OPCML: variants seen among roughly 807,000 people sequenced by gnomAD.
OPCML encodes the protein opioid-binding protein/cell adhesion molecule.
Under a neutral mutation model 37.8 loss-of-function variants are expected in OPCML, and 13 were observed. The observed-to-expected ratio is 0.34, with a 90% CI of 0.22 to 0.55. The LOEUF is 0.55. OPCML is among the 20% of genes least tolerant of loss of function. OPCML has a pLI of 0.91. For missense variants in OPCML, 341 were observed against 435.6 expected (o/e 0.78, Z 1.93); for synonymous variants, 176 against 168.8 (o/e 1.04, Z -0.33).
chr11:133,302,028 T>G (rs1421898529), intron 1 of OPCML: 1 of 152,162 alleles, frequency 6.6e-6, no homozygotes, highest in African/African-American at 2.4e-5. Context: ...TGTTAATCAA[T>G]CCAAGGTCAA....
At chr11:132,600,509 T>A in intron 3 of OPCML, among the ~76,000 whole-genome samples, 1 of 152,206 alleles carries the variant, frequency 6.6e-6, no homozygotes, top group East Asian at 1.9e-4. Context: ...AGTTTTTTAT[T>A]GCAACAAATT....
At chr11:133,118,872 T>A (rs1312708309) in intron 1 of OPCML, among the ~76,000 whole-genome samples, 1 of 152,132 alleles carries the variant, frequency 6.6e-6, no homozygotes, top group Non-Finnish European at 1.5e-5. Flanking sequence ...ATGGACGTGA[T>A]CCAGTGGAGA....
At chr11:132,786,740 T>A (rs550321642) in intron 2 of OPCML, among the ~76,000 whole-genome samples, 90 of 152,318 alleles carry the variant, frequency 5.9e-4, no homozygotes, top group African/African-American at 2.0e-3. Flanking sequence ...TAGTAGGCAT[T>A]CAAACGATAT....
intron 1 of OPCML, among the ~76,000 whole-genome samples, chr11:133,020,915 T>A (rs1041898381): frequency 2.6e-5 from 4 of 152,180 alleles, no homozygotes; most frequent in African/African-American, 9.7e-5. Context: ...GATTTTAATT[T>A]TTTTCTCCTT....
chr11:133,422,442 G>A, intron 1 of OPCML: 1 of 974,960 alleles, frequency 1.0e-6, no homozygotes, highest in Non-Finnish European at 1.2e-6. Flanking sequence ...CTATCATTGT[G>A]GAGAGGAGTC....
At chr11:133,520,963 C>T (rs935823332) in intron 1 of OPCML, among the ~76,000 whole-genome samples, 2 of 152,146 alleles carry the variant, frequency 1.3e-5, no homozygotes, top group Non-Finnish European at 2.9e-5. Flanking sequence ...CCTGGATAGG[C>T]CTCCTGCTCC....
intron 1 of OPCML, among the ~76,000 whole-genome samples, chr11:133,094,664 C>T (rs180958993): frequency 6.6e-6 from 1 of 152,246 alleles, no homozygotes; most frequent in Admixed American, 6.5e-5. Flanking sequence ...AACTATGAGT[C>T]TTTGTTTATT....
At chr11:133,152,999 G>A (rs1443989830) in intron 1 of OPCML, among the ~76,000 whole-genome samples, 1 of 152,062 alleles carries the variant, frequency 6.6e-6, no homozygotes, top group African/African-American at 2.4e-5. Flanking sequence ...TCCACAGCGG[G>A]CTGTGTGTTC....
intron 2 of OPCML, among the ~76,000 whole-genome samples, chr11:132,743,715 C>G (rs1306791383): frequency 6.6e-6 from 1 of 152,178 alleles, no homozygotes; most frequent in Non-Finnish European, 1.5e-5. Flanking sequence ...CACCACATTC[C>G]TCAGAACAGG....
chr11:132,912,392 T>C (rs1944455142), intron 2 of OPCML, among the ~76,000 whole-genome samples: 1 of 152,190 alleles, frequency 6.6e-6, no homozygotes, highest in African/African-American at 2.4e-5. Flanking sequence ...CAGGATACAA[T>C]AAACCCCTTT....
intron 1 of OPCML, among the ~76,000 whole-genome samples, chr11:133,182,175 A>C (rs992110734): frequency 1.3e-5 from 2 of 152,220 alleles, no homozygotes; most frequent in African/African-American, 4.8e-5. Flanking sequence ...CTCACCAAAG[A>C]AAATCCATGT....
intron 3 of OPCML, among the ~76,000 whole-genome samples, chr11:132,560,397 G>C (rs981293057): frequency 6.6e-6 from 1 of 152,148 alleles, no homozygotes; most frequent in Non-Finnish European, 1.5e-5. Flanking sequence ...AACAGGTGAT[G>C]TTTGGTTATA....
chr11:132,481,111 A>C (rs919768176), intron 4 of OPCML, among the ~76,000 whole-genome samples: 3 of 152,224 alleles, frequency 2.0e-5, no homozygotes, highest in Non-Finnish European at 4.4e-5. Context: ...TGCTCCAATT[A>C]AAAGACACAA....
At chr11:132,766,513 A>G (rs61908974) in intron 2 of OPCML, among the ~76,000 whole-genome samples, 632 of 152,024 alleles carry the variant, frequency 4.2e-3, no homozygotes, top group Middle Eastern at 0.014. Flanking sequence ...TATCAGACAA[A>G]CTCTTCTCCT....
At chr11:133,416,714 A>C (rs1202979828) in intron 1 of OPCML, among the ~76,000 whole-genome samples, 1 of 151,996 alleles carries the variant, frequency 6.6e-6, no homozygotes, top group African/African-American at 2.4e-5. Flanking sequence ...AATATCTTTG[A>C]TTTTTTTCCT....
At chr11:132,786,868 G>T (rs144362972) in intron 2 of OPCML, among the ~76,000 whole-genome samples, 1 of 152,264 alleles carries the variant, frequency 6.6e-6, no homozygotes, top group East Asian at 1.9e-4. Flanking sequence ...AAATCCTGTG[G>T]TCCTCAGGGT....
intron 2 of OPCML, among the ~76,000 whole-genome samples, chr11:132,787,621 G>T (rs926747038): frequency 2.0e-5 from 3 of 152,096 alleles, no homozygotes; most frequent in Admixed American, 6.5e-5. Flanking sequence ...TAGTCCCCGT[G>T]ATAGTTTATT....
At chr11:133,079,086 A>G (rs1948669468) in intron 1 of OPCML, among the ~76,000 whole-genome samples, 1 of 151,892 alleles carries the variant, frequency 6.6e-6, no homozygotes, top group Non-Finnish European at 1.5e-5. Flanking sequence ...TGTCTCACCC[A>G]GTTTTCCACA....
chr11:132,479,930 G>A (rs2508985), intron 4 of OPCML, among the ~76,000 whole-genome samples: 76,726 of 152,030 alleles, frequency 0.5, 20,218 homozygotes, highest in East Asian at 0.81. Context: ...AAAAAACAGC[G>A]GAAAAACTGG....
Sources: allele counts gnomAD v4.1 joint callset (sites outside exome capture counted in the v4.1 genomes callset), GRCh38; gene constraint gnomAD v4.1.1; transcripts MANE v1.5; gene names NCBI Gene and HGNC (gene_info 2026-07-23, HGNC 2026-07-21).